TENM3: variants seen among roughly 807,000 people sequenced by gnomAD.
The protein encoded by TENM3 is teneurin-3.
Under a neutral mutation model 255.1 loss-of-function variants are expected in TENM3, and 63 were observed. That is an observed-to-expected ratio of 0.25 (90% CI 0.20 to 0.30). The LOEUF (loss-of-function observed/expected upper bound fraction) is 0.30, where lower values mean the gene tolerates loss of function less well. Among genes scored for constraint, TENM3 ranks in the 10% least tolerant of loss-of-function variants. TENM3 has a pLI of 1.00. For missense variants in TENM3, 2,929 were observed against 3,461.1 expected (o/e 0.85, Z 3.86); for synonymous variants, 1,306 against 1,322.3 (o/e 0.99, Z 0.27).
chr4:182,360,338 A>T (rs554996055), intron 3 of TENM3, among the ~76,000 whole-genome samples: 4,439 of 130,772 alleles, frequency 0.034, 258 homozygotes, highest in African/African-American at 0.12. Flanking sequence ...GTCTCCCATT[A>T]TTAATGTGTG....
the TENM3 span, among the ~76,000 whole-genome samples, chr4:182,089,459 A>T: frequency 6.6e-6 from 1 of 152,192 alleles, no homozygotes; most frequent in African/African-American, 2.4e-5. Context: ...ACAGGAACTC[A>T]AAAGAAAACT....
chr4:182,081,666 C>T, the TENM3 span: 6 of 151,178 alleles, frequency 4.0e-5, no homozygotes, highest in African/African-American at 1.5e-4. Context: ...ACTGCAGAAG[C>T]AGTGGTTTTA....
At chr4:182,490,305 A>G (rs1392414019) in intron 3 of TENM3, among the ~76,000 whole-genome samples, 1 of 152,148 alleles carries the variant, frequency 6.6e-6, no homozygotes, top group Non-Finnish European at 1.5e-5. Flanking sequence ...TGTTTTTGTC[A>G]TGTTTAACTA....
intron 1 of TENM3, among the ~76,000 whole-genome samples, chr4:182,208,498 A>C (rs1334851456): frequency 1.3e-5 from 2 of 152,234 alleles, no homozygotes; most frequent in African/African-American, 2.4e-5. Flanking sequence ...CATTTTACTG[A>C]CAAAATTTTA....
intron 1 of TENM3, among the ~76,000 whole-genome samples, chr4:182,282,628 C>T (rs939946013): frequency 1.3e-5 from 2 of 152,112 alleles, no homozygotes; most frequent in East Asian, 1.9e-4. Flanking sequence ...CACAGTGGCT[C>T]ACACCTGTAA....
At chr4:181,498,518 G>A in the TENM3 span, among the ~76,000 whole-genome samples, 3 of 152,160 alleles carry the variant, frequency 2.0e-5, no homozygotes, top group Non-Finnish European at 2.9e-5. Context: ...AGAAGATGCT[G>A]AAGAAAATAG....
the TENM3 span, among the ~76,000 whole-genome samples, chr4:181,499,692 G>A: frequency 6.6e-6 from 1 of 152,166 alleles, no homozygotes; most frequent in South Asian, 2.1e-4. Flanking sequence ...TGATGGAAAG[G>A]AAGCTGGGTG....
At chr4:182,778,121 A>C in intron 24 of TENM3, among the ~76,000 whole-genome samples, 1 of 152,112 alleles carries the variant, frequency 6.6e-6, no homozygotes, top group Non-Finnish European at 1.5e-5. Flanking sequence ...GTGCTTTATA[A>C]TATTTACTAA....
chr4:181,783,183 T>C, the TENM3 span, among the ~76,000 whole-genome samples: 1 of 152,152 alleles, frequency 6.6e-6, no homozygotes, highest in Non-Finnish European at 1.5e-5. Context: ...CCTTGTTAAG[T>C]TTCTGTCTCG....
chr4:181,523,882 C>G, the TENM3 span, among the ~76,000 whole-genome samples: 1 of 152,192 alleles, frequency 6.6e-6, no homozygotes, highest in Non-Finnish European at 1.5e-5. Context: ...CAGTAGCATA[C>G]AAGAGCTCAA....
the TENM3 span, among the ~76,000 whole-genome samples, chr4:182,042,998 T>G: frequency 1.3e-5 from 2 of 152,112 alleles, no homozygotes; most frequent in Non-Finnish European, 2.9e-5. Context: ...TCGTCTTTTT[T>G]TTTTTAAGAA....
chr4:181,954,790 G>A, the TENM3 span, among the ~76,000 whole-genome samples: 1 of 152,242 alleles, frequency 6.6e-6, no homozygotes, highest in East Asian at 1.9e-4. Flanking sequence ...AAGTCAAGAT[G>A]ATTCTCTGTG....
At chr4:182,371,164 C>T (rs149936171) in intron 3 of TENM3, among the ~76,000 whole-genome samples, 81 of 151,628 alleles carry the variant, frequency 5.3e-4, no homozygotes, top group Non-Finnish European at 9.3e-4. Context: ...TCATTATTCA[C>T]TGAGCTTTTT....
the TENM3 span, among the ~76,000 whole-genome samples, chr4:182,032,739 G>A: frequency 6.6e-6 from 1 of 152,046 alleles, no homozygotes; most frequent in Non-Finnish European, 1.5e-5. Flanking sequence ...ACTTGTTATT[G>A]GTCTATTCAG....
intron 1 of TENM3, among the ~76,000 whole-genome samples, chr4:182,206,578 T>C (rs1371044593): frequency 6.6e-6 from 1 of 152,244 alleles, no homozygotes; most frequent in Non-Finnish European, 1.5e-5. Flanking sequence ...CAATTCCTCA[T>C]GCGTGTCATA....
In TENM3 at chr4:182,621,160, A is replaced by G. The variant is rs186185673; in HGVS notation, c.750-7491A>G. Among the ~76,000 whole-genome samples the G allele has an allele frequency of 1.8e-3, 274 of 149,818 alleles. 1 individual carries two copies. Among genetic ancestry groups the G allele is most frequent in the East Asian group, 4.9e-3 (25 of 5,058 alleles). On this transcript the variant is annotated intron_variant, in intron 4 of 27. Transcript: ENST00000511685. ...CGCACCACTGCACTCCAGCCTGGAC[A>G]ACAGAGCGAGACTCCGTCTAAAAAA...
chr4:182,532,655 T>A (rs1417381373), intron 3 of TENM3, among the ~76,000 whole-genome samples: 1 of 152,206 alleles, frequency 6.6e-6, no homozygotes, highest in African/African-American at 2.4e-5. Context: ...ATTACTTCTC[T>A]TTTTGTACAG....
the TENM3 span, among the ~76,000 whole-genome samples, chr4:181,460,652 G>T: frequency 2.2e-5 from 3 of 136,726 alleles, no homozygotes; most frequent in African/African-American, 5.3e-5. Flanking sequence ...CATTTTATCT[G>T]TATTACTGCC....
intron 1 of TENM3, among the ~76,000 whole-genome samples, chr4:182,314,232 C>T (rs1162366165): frequency 4.0e-5 from 6 of 151,638 alleles, no homozygotes; most frequent in South Asian, 2.1e-4. Flanking sequence ...ACCTGGGAGG[C>T]GGAGCTTGCA....
Sources: gnomAD v4.1 joint callset for allele counts (sites outside exome capture counted in the v4.1 genomes callset) on GRCh38, gnomAD v4.1.1 for gene constraint, MANE v1.5 for transcripts, NCBI Gene and HGNC (gene_info 2026-07-23, HGNC 2026-07-21) for gene names.